The following SIPA1L1 variants were observed in gnomAD, a reference collection of about 807,000 sequenced individuals.
SIPA1L1 encodes signal-induced proliferation-associated 1-like protein 1.
In SIPA1L1, 26 loss-of-function variants were observed where a neutral mutation model predicts 162.7. That is an observed-to-expected ratio of 0.16 (90% CI 0.12 to 0.22). The LOEUF (loss-of-function observed/expected upper bound fraction) is 0.22. Among genes scored for constraint, SIPA1L1 ranks in the 10% least tolerant of loss-of-function variants. The pLI is 1.00. For synonymous variants in SIPA1L1, 829 were observed against 837.4 expected, an observed-to-expected ratio of 0.99 and a Z score of 0.17; for missense variants, 1,874 against 2,241.0, an observed-to-expected ratio of 0.84 and a Z score of 3.31.
At chr14:71,520,971 C>T (rs1227631805) in intron 3 of SIPA1L1, among the ~76,000 whole-genome samples, 1 of 152,110 alleles carries the variant, frequency 6.6e-6, no homozygotes, top group East Asian at 1.9e-4. Context: ...CCAGTCTGGT[C>T]TCGAACTCCT....
At position 71,338,511 on chromosome 14, in the gene SIPA1L1, G is replaced by C. The variant is rs540154224; in HGVS notation, c.-465+17330G>C. ...ATTTCTGGACAGGGTCATTGTAAAGGGCGTTCACATGATTCACATGGGCTC... is the reference window on the plus strand; with the variant it reads ...ATTTCTGGACAGGGTCATTGTAAAGCGCGTTCACATGATTCACATGGGCTC... On this transcript the variant is annotated intron_variant, in intron 2 of 23. Coordinates refer to ENST00000381232, the MANE Select transcript of SIPA1L1 (RefSeq NM_001386936.1). 3.9e-5 allele frequency among the ~76,000 whole-genome samples: 6 copies of C among 152,192 alleles called. No individual in the cohort carries two copies. The East Asian group carries it at 1.2e-3, about 29-fold the overall frequency.
intron 4 of SIPA1L1, among the ~76,000 whole-genome samples, chr14:71,543,799 T>C (rs1253645582): frequency 6.6e-6 from 1 of 150,638 alleles, no homozygotes; most frequent in Non-Finnish European, 1.5e-5. Context: ...TATATATGTA[T>C]ATAATGTATG....
chr14:71,717,027 G>A (rs892809397), intron 17 of SIPA1L1, among the ~76,000 whole-genome samples: 12 of 152,208 alleles, frequency 7.9e-5, no homozygotes, highest in Non-Finnish European at 1.0e-4. Context: ...AGCCTCCCGA[G>A]TAGCTGGGAC....
At chr14:71,580,039 G>A (rs946585921) in intron 4 of SIPA1L1, among the ~76,000 whole-genome samples, 1 of 152,172 alleles carries the variant, frequency 6.6e-6, no homozygotes, top group Admixed American at 6.5e-5. Flanking sequence ...TTGTCTTAGA[G>A]ATGCAGATTC....
chr14:71,411,898 A>G (rs956233337), intron 2 of SIPA1L1, among the ~76,000 whole-genome samples: 3 of 152,254 alleles, frequency 2.0e-5, no homozygotes, highest in Non-Finnish European at 2.9e-5. Flanking sequence ...TTCAGTTAGA[A>G]TGGAGTAATT....
At chr14:71,441,554 C>G (rs1404926964) in intron 2 of SIPA1L1, among the ~76,000 whole-genome samples, 1 of 152,236 alleles carries the variant, frequency 6.6e-6, no homozygotes, top group Non-Finnish European at 1.5e-5. Flanking sequence ...GACATAGTCT[C>G]TAAGATTCCT....
intron 2 of SIPA1L1, among the ~76,000 whole-genome samples, chr14:71,371,151 T>G (rs1486568402): frequency 6.6e-6 from 1 of 152,192 alleles, no homozygotes; most frequent in Non-Finnish European, 1.5e-5. Flanking sequence ...TAGTTCACTT[T>G]ATATTTAATC....
chr14:71,391,491 C>T (rs1483506361), intron 2 of SIPA1L1, among the ~76,000 whole-genome samples: 3 of 152,078 alleles, frequency 2.0e-5, no homozygotes, highest in African/African-American at 4.8e-5. Flanking sequence ...AACTGTGATA[C>T]GTGATTTGAA....
At chr14:71,670,875 T>C (rs1356713256) in intron 10 of SIPA1L1, among the ~76,000 whole-genome samples, 1 of 152,202 alleles carries the variant, frequency 6.6e-6, no homozygotes, top group African/African-American at 2.4e-5. Context: ...TTAATAGTGT[T>C]AGCTTTTGGG....
intron 5 of SIPA1L1, among the ~76,000 whole-genome samples, chr14:71,608,462 T>C (rs1389862753): frequency 6.6e-6 from 1 of 152,186 alleles, no homozygotes; most frequent in Non-Finnish European, 1.5e-5. Flanking sequence ...TTCATTTAGA[T>C]GTTAATTTTT....
chr14:71,398,713 C>G (rs1217547490), intron 2 of SIPA1L1, among the ~76,000 whole-genome samples: 1 of 152,170 alleles, frequency 6.6e-6, no homozygotes, highest in African/African-American at 2.4e-5. Context: ...GAGGCCAAAG[C>G]TAGATGACAG....
chr14:71,344,076 C>G (rs781000089), intron 2 of SIPA1L1, among the ~76,000 whole-genome samples: 1 of 152,170 alleles, frequency 6.6e-6, no homozygotes, highest in African/African-American at 2.4e-5. Context: ...TGAAGGGTCT[C>G]TTAGGTACTA....
chr14:71,663,063 A>G (rs2043674375), intron 10 of SIPA1L1, among the ~76,000 whole-genome samples: 1 of 152,246 alleles, frequency 6.6e-6, no homozygotes, highest in Non-Finnish European at 1.5e-5. Context: ...CTGAATCAGT[A>G]CCGTCCAATG....
chr14:71,498,975 A>C (rs375156768), intron 2 of SIPA1L1, among the ~76,000 whole-genome samples: 1 of 152,208 alleles, frequency 6.6e-6, no homozygotes, highest in African/African-American at 2.4e-5. Flanking sequence ...GAAAATTAGG[A>C]TACTTCAGAT....
intron 2 of SIPA1L1, among the ~76,000 whole-genome samples, chr14:71,322,038 C>T (rs1219951179): frequency 6.6e-6 from 1 of 152,216 alleles, no homozygotes; most frequent in East Asian, 1.9e-4. Flanking sequence ...AGGCAGCATT[C>T]GCTGAAATGC....
At chr14:71,603,011 T>G (rs1421520425) in intron 5 of SIPA1L1, among the ~76,000 whole-genome samples, 3 of 152,104 alleles carry the variant, frequency 2.0e-5, no homozygotes, top group African/African-American at 7.3e-5. Context: ...TCTAATAATG[T>G]TTTGTTTATG....
chr14:71,584,076 C>G (rs1240585427), intron 4 of SIPA1L1, among the ~76,000 whole-genome samples: 1 of 152,058 alleles, frequency 6.6e-6, no homozygotes, highest in South Asian at 2.1e-4. Context: ...CCTTTTATAC[C>G]CCTTTCCAGA....
At chr14:71,385,844 C>T (rs986194276) in intron 2 of SIPA1L1, among the ~76,000 whole-genome samples, 11 of 151,964 alleles carry the variant, frequency 7.2e-5, no homozygotes, top group African/African-American at 2.2e-4. Context: ...TGTGCCACCA[C>T]GCCCAGCTAA....
At chr14:71,345,278 G>A (rs976927961) in intron 2 of SIPA1L1, among the ~76,000 whole-genome samples, 2 of 152,124 alleles carry the variant, frequency 1.3e-5, no homozygotes, top group Non-Finnish European at 1.5e-5. Flanking sequence ...TTGGTTCTCC[G>A]TGCATACTCA....
Sources: allele counts gnomAD v4.1 joint callset (sites outside exome capture counted in the v4.1 genomes callset), GRCh38; gene constraint gnomAD v4.1.1; transcripts MANE v1.5; gene names NCBI Gene and HGNC (gene_info 2026-07-23, HGNC 2026-07-21).